Variants in LRRC7 observed in about 807,000 individuals in gnomAD.
LRRC7 encodes the protein leucine rich repeat containing 7.
A neutral mutation model predicts 175.7 loss-of-function variants in LRRC7; 23 were observed. That is an observed-to-expected ratio of 0.13 (90% CI 0.09 to 0.19). LRRC7 has a LOEUF of 0.19. Among genes scored for constraint, LRRC7 ranks in the 10% least tolerant of loss-of-function variants. The pLI is 1.00. For synonymous variants in LRRC7, 685 were observed against 680.9 expected (o/e 1.01, Z -0.09); for missense variants, 1,354 against 1,904.7 (o/e 0.71, Z 5.38).
At chr1:70,118,099 G>C (rs555734114) in intron 26 of LRRC7, among the ~76,000 whole-genome samples, 1 of 148,600 alleles carries the variant, frequency 6.7e-6, no homozygotes, top group Admixed American at 6.7e-5. Flanking sequence ...ACACGCACAC[G>C]AACAAAAATG....
chr1:69,717,998 GA>G (rs1665808714), intron 2 of LRRC7, among the ~76,000 whole-genome samples: 1 of 142,560 alleles, frequency 7.0e-6, no homozygotes, highest in African/African-American at 2.6e-5. Flanking sequence ...GGGAGAGAAA[GA>G]AAGAAAAGAG....
chr1:69,790,213 C>T lies in LRRC7; in HGVS notation c.304-1830C>T, dbSNP rs530273960. 3.9e-5 allele frequency among the ~76,000 whole-genome samples: 6 copies of T among 152,096 alleles called. No individual in the cohort carries two copies. In the South Asian group the frequency reaches 6.2e-4, roughly 16 times the overall value. On this transcript the variant is annotated intron_variant, in intron 3 of 26. Coordinates refer to ENST00000651989, the MANE Select transcript of LRRC7 (RefSeq NM_001370785.2). ...GAAACTGATGAGTTCAAAGATATTA[C>T]GTAACTTGCCCAAGATTGCACAGCT... is the stretch of plus-strand genomic sequence containing the variant.
intron 11 of LRRC7, among the ~76,000 whole-genome samples, chr1:69,997,715 A>G (rs1332721897): frequency 4.0e-5 from 6 of 150,346 alleles, no homozygotes; most frequent in African/African-American, 4.9e-5. Flanking sequence ...ATTGATTTGC[A>G]TATATTGAAC....
chr1:70,045,627 T>G (rs991720523), intron 22 of LRRC7, among the ~76,000 whole-genome samples: 1 of 152,190 alleles, frequency 6.6e-6, no homozygotes, highest in Non-Finnish European at 1.5e-5. Context: ...TTATAGGGCT[T>G]GCTAATTAAA....
chr1:69,601,661 T>C (rs1267617428), intron 1 of LRRC7, among the ~76,000 whole-genome samples: 2 of 152,206 alleles, frequency 1.3e-5, no homozygotes, highest in Non-Finnish European at 2.9e-5. Context: ...GATTTGTTAA[T>C]GATAAATATG....
chr1:69,952,946 G>A (rs1295731159), intron 8 of LRRC7, among the ~76,000 whole-genome samples: 6 of 144,172 alleles, frequency 4.2e-5, no homozygotes, highest in Non-Finnish European at 6.0e-5. Flanking sequence ...ATAAAGAAAT[G>A]TGAAGCCTGC....
intron 1 of LRRC7, among the ~76,000 whole-genome samples, chr1:69,640,687 G>T (rs1265805416): frequency 6.9e-6 from 1 of 145,606 alleles, no homozygotes; most frequent in East Asian, 2.0e-4. Context: ...GTAATTTTGA[G>T]TTAATTAAAA....
intron 4 of LRRC7, among the ~76,000 whole-genome samples, chr1:69,823,331 A>G (rs918940554): frequency 6.6e-6 from 1 of 152,150 alleles, no homozygotes; most frequent in Non-Finnish European, 1.5e-5. Flanking sequence ...CTTTTTGCCT[A>G]ATGTTACCAC....
intron 7 of LRRC7, among the ~76,000 whole-genome samples, chr1:69,859,760 T>C (rs1684160464): frequency 1.3e-5 from 2 of 151,990 alleles, no homozygotes; most frequent in Non-Finnish European, 2.9e-5. Flanking sequence ...GAATTCAAAA[T>C]AGTGAAAAAA....
chr1:69,932,616 A>G (rs1261177648), intron 8 of LRRC7, among the ~76,000 whole-genome samples: 3 of 152,216 alleles, frequency 2.0e-5, no homozygotes, highest in African/African-American at 4.8e-5. Context: ...TTTATTAAGG[A>G]TGAAAACTGA....
In LRRC7 at chr1:70,127,683, A is replaced by G. The variant is rs1377052583; in HGVS notation, c.*5796A>G. Among the ~76,000 whole-genome samples, 1 of 152,148 alleles carries G rather than the reference A, an allele frequency of 6.6e-6. No individual in the cohort carries two copies. Among genetic ancestry groups the G allele is most frequent in the Admixed American group, 6.5e-5 (1 of 15,278 alleles). On this transcript the variant is annotated 3_prime_UTR_variant, in exon 27 of 27. Coordinates refer to ENST00000651989, the MANE Select transcript of LRRC7 (RefSeq NM_001370785.2). Reference sequence around the variant, plus strand: ...TAAGGCATGCAGAAATGAGAAGGATACCTCTGCAGCTCTGTCAATACTTCC... The same window carrying G: ...TAAGGCATGCAGAAATGAGAAGGATGCCTCTGCAGCTCTGTCAATACTTCC...
intron 3 of LRRC7, among the ~76,000 whole-genome samples, chr1:69,773,847 T>C (rs960326104): frequency 6.6e-6 from 1 of 152,152 alleles, no homozygotes; most frequent in African/African-American, 2.4e-5. Flanking sequence ...AAGAATGTAC[T>C]AAAGGGTATA....
intron 18 of LRRC7, 148 bp from the exon 19 acceptor site, chr1:70,035,973 T>C: frequency 1.8e-6 from 1 of 560,330 alleles, no homozygotes; most frequent in Non-Finnish European, 3.1e-6. Flanking sequence ...AACTCAGAGA[T>C]ACATATGGTT....
chr1:70,026,999 A>C (rs80331067), intron 17 of LRRC7, among the ~76,000 whole-genome samples: 2 of 152,018 alleles, frequency 1.3e-5, no homozygotes, highest in East Asian at 3.9e-4. Flanking sequence ...CATGAATTAC[A>C]TGGGTGTGTG....
chr1:69,865,540 G>T (rs1333163774), intron 7 of LRRC7, among the ~76,000 whole-genome samples: 1 of 134,864 alleles, frequency 7.4e-6, no homozygotes, highest in Non-Finnish European at 1.5e-5. Context: ...GAGTGCAGTG[G>T]CCCGATCTCT....
At chr1:69,951,376 A>G (rs1649908098) in intron 8 of LRRC7, among the ~76,000 whole-genome samples, 1 of 152,042 alleles carries the variant, frequency 6.6e-6, no homozygotes. Flanking sequence ...GGAAAGCAGT[A>G]TCACAAGTCC....
chr1:69,813,444 G>T (rs1166023323), intron 4 of LRRC7, among the ~76,000 whole-genome samples: 1 of 151,910 alleles, frequency 6.6e-6, no homozygotes, highest in South Asian at 2.1e-4. Flanking sequence ...CTCTGTTCTG[G>T]GGACAATTTC....
intron 2 of LRRC7, among the ~76,000 whole-genome samples, chr1:69,743,791 G>A (rs1668968164): frequency 6.6e-6 from 1 of 151,832 alleles, no homozygotes; most frequent in Non-Finnish European, 1.5e-5. Context: ...AAACAACAGT[G>A]GCTAAGAGTC....
chr1:69,894,368 G>T (rs1011915445), intron 7 of LRRC7, among the ~76,000 whole-genome samples: 1 of 152,190 alleles, frequency 6.6e-6, no homozygotes, highest in Non-Finnish European at 1.5e-5. Flanking sequence ...ACTATGCACA[G>T]CTGAATAGAG....
Sources: gnomAD v4.1 joint callset for allele counts (sites outside exome capture counted in the v4.1 genomes callset) on GRCh38, gnomAD v4.1.1 for gene constraint, MANE v1.5 for transcripts, NCBI Gene and HGNC (gene_info 2026-07-23, HGNC 2026-07-21) for gene names.